TXNDC5: variants seen among roughly 807,000 people sequenced by gnomAD.
The protein encoded by TXNDC5 is thioredoxin domain containing 5.
Under a neutral mutation model 52.6 loss-of-function variants are expected in TXNDC5, and 44 were observed. That is an observed-to-expected ratio of 0.84 (90% CI 0.66 to 1.08). TXNDC5 has a LOEUF of 1.08. Ranked by LOEUF, TXNDC5 falls within the 50% of genes least tolerant of loss-of-function variation. TXNDC5 has a pLI of 0.00. For missense variants in TXNDC5, 600 were observed against 565.5 expected (o/e 1.06, Z -0.62); for synonymous variants, 241 against 234.4 (o/e 1.03, Z -0.26).
chr6:7,905,329 G>A (rs1412454292), intron 1 of TXNDC5, among the ~76,000 whole-genome samples: 2 of 152,064 alleles, frequency 1.3e-5, no homozygotes, highest in African/African-American at 4.8e-5. Context: ...TATTCGTCAA[G>A]TCTCCTCCAC....
At chr6:7,888,053 A>T (rs1265611274) in intron 7 of TXNDC5, among the ~76,000 whole-genome samples, 2 of 152,034 alleles carry the variant, frequency 1.3e-5, no homozygotes, top group African/African-American at 2.4e-5. Context: ...TGCCTCAGAG[A>T]CCTGTATGCT....
At position 7,891,714 on chromosome 6, in the gene TXNDC5, G is replaced by A. The variant is rs9502658; in HGVS notation, c.639C>T (p.Phe213=). 2.3e-3 allele frequency: 3,654 copies of A among 1,613,654 alleles called. 71 individuals carry two copies. The African/African-American group carries it at 0.044, about 19-fold the overall frequency. The change falls in exon 5 of 10, where the codon TTC becomes TTT. Residue 213 remains phenylalanine (F), a synonymous_variant. Coordinates refer to ENST00000379757, the MANE Select transcript of TXNDC5 (RefSeq NM_030810.5). ...CTTTGCAGTGACCACACCACGGAGCGAAGAACTTGATAAAGTGGTCGCCTG... is the reference window on the plus strand; with the variant it reads ...CTTTGCAGTGACCACACCACGGAGCAAAGAACTTGATAAAGTGGTCGCCTG... The part of the protein sequence containing the change: ...VAQGDHFIKF[F]APWCGHCKAL...
intron 2 of TXNDC5, among the ~76,000 whole-genome samples, chr6:7,900,724 G>C (rs1446505109): frequency 6.6e-6 from 1 of 152,164 alleles, no homozygotes; most frequent in Non-Finnish European, 1.5e-5. Flanking sequence ...TGCCAGCAGA[G>C]TCAGTGTCTG....
At chr6:7,906,338 C>T (rs1371756715) in intron 1 of TXNDC5, among the ~76,000 whole-genome samples, 1 of 151,984 alleles carries the variant, frequency 6.6e-6, no homozygotes, top group African/African-American at 2.4e-5. Flanking sequence ...GAGTTCGAGA[C>T]CAGCCTGACC....
chr6:7,896,684 G>T (rs543753832), intron 3 of TXNDC5, among the ~76,000 whole-genome samples: 1 of 152,288 alleles, frequency 6.6e-6, no homozygotes, highest in South Asian at 2.1e-4. Context: ...CAGTCAATGG[G>T]TGCACATAAG....
intron 3 of TXNDC5, 30 bp from the exon 4 acceptor site, chr6:7,895,232 T>G (rs753182009): frequency 1.6e-5 from 25 of 1,589,930 alleles, no homozygotes. Flanking sequence ...CAGTCATGGG[T>G]GTGTCAGTGG....
intron 7 of TXNDC5, among the ~76,000 whole-genome samples, chr6:7,887,105 T>C (rs1760008999): frequency 7.4e-6 from 1 of 135,482 alleles, no homozygotes; most frequent in Admixed American, 7.1e-5. Context: ...AACCAAAACG[T>C]CAACTTTTAA....
At chr6:7,908,953 C>T (rs532688239) in intron 1 of TXNDC5, among the ~76,000 whole-genome samples, 1 of 152,080 alleles carries the variant, frequency 6.6e-6, no homozygotes, top group East Asian at 1.9e-4. Context: ...AGAATACTCC[C>T]GAACAAAGAG....
At chr6:7,897,460 G>C (rs1322464831) in intron 3 of TXNDC5, among the ~76,000 whole-genome samples, 2 of 152,184 alleles carry the variant, frequency 1.3e-5, no homozygotes, top group Non-Finnish European at 2.9e-5. Context: ...GCAGTATAAA[G>C]TGTATATACT....
chr6:7,897,030 G>A (rs558850558), intron 3 of TXNDC5, among the ~76,000 whole-genome samples: 46 of 152,226 alleles, frequency 3.0e-4, no homozygotes, highest in Non-Finnish European at 5.7e-4. Flanking sequence ...GGGGTGGAAA[G>A]TCCTTTACAA....
chr6:7,901,998 G>A (rs1760581850), intron 2 of TXNDC5, among the ~76,000 whole-genome samples: 1 of 152,120 alleles, frequency 6.6e-6, no homozygotes, highest in Non-Finnish European at 1.5e-5. Flanking sequence ...CATGACTGGT[G>A]TCCTTGTAAG....
chr6:7,910,608 C>T lies in TXNDC5; in HGVS notation c.169G>A (p.Gly57Arg), dbSNP rs887110853. 5.2e-6 allele frequency: 7 copies of T among 1,350,508 alleles called. No homozygotes were observed. Among genetic ancestry groups the T allele is most frequent in the South Asian group, 1.5e-5 (1 of 66,752 alleles). The allele number at this position is 1,350,508 out of a possible 1,614,324, so 83.7% of individuals were successfully genotyped here. ...DGPPAADGEDGQDPHSKHLYT... is the reference protein window; with the variant it reads ...DGPPAADGEDRQDPHSKHLYT... ...AGGTGCTTGCTGTGCGGGTCCTGTC[C>T]GTCCTCGCCGTCTGCCGCGGGGGGC... The change falls in exon 1 of 10, where the codon GGA (glycine) becomes AGA (arginine). Residue 57 changes from glycine (G) to arginine (R), a missense_variant. Gly to Arg is a moderately radical substitution (Grantham distance 125, BLOSUM62 -2). Coordinates refer to ENST00000379757, the MANE Select transcript of TXNDC5 (RefSeq NM_030810.5).
intron 1 of TXNDC5, chr6:7,909,841 C>A: frequency 1.0e-6 from 1 of 986,042 alleles, no homozygotes; most frequent in Non-Finnish European, 1.2e-6. Flanking sequence ...TCAGTTAAAG[C>A]CTCTGGAAGG....
At chr6:7,886,337 CTT>C (rs1466784530) in intron 7 of TXNDC5, among the ~76,000 whole-genome samples, 1 of 152,050 alleles carries the variant, frequency 6.6e-6, no homozygotes, top group Non-Finnish European at 1.5e-5. Context: ...GGGGGACTGT[CTT>C]TTGGGGATGA....
At chr6:7,885,274 G>C (rs1206441641) in intron 8 of TXNDC5, among the ~76,000 whole-genome samples, 1 of 152,176 alleles carries the variant, frequency 6.6e-6, no homozygotes, top group Non-Finnish European at 1.5e-5. Context: ...CTAACACTCT[G>C]CTTTTCCAAA....
At chr6:7,907,655 G>A (rs1760780547) in intron 1 of TXNDC5, among the ~76,000 whole-genome samples, 1 of 152,178 alleles carries the variant, frequency 6.6e-6, no homozygotes, top group South Asian at 2.1e-4. Context: ...TTGAGGGGGA[G>A]TCCACTGAGT....
chr6:7,891,684 C>G lies in TXNDC5; in HGVS notation c.669G>C (p.Leu223=), dbSNP rs980313568. ...FAPWCGHCKA[L]APTWEQLALG... ...GAGCCAGCTGCTCCCAGGTTGGAGC[C>G]AGGGCTTTGCAGTGACCACACCACG... is the stretch of plus-strand genomic sequence containing the variant. Residue 223 remains leucine, a synonymous_variant, in exon 5 of 10, where the codon CTG becomes CTC. Transcript: ENST00000379757. 6.2e-7 allele frequency: 1 copy of G among 1,613,818 alleles called. No individual in the cohort carries two copies. The highest frequency in any genetic ancestry group is 8.5e-7 in the Non-Finnish European group (1 of 1,179,916).
At chr6:7,883,801 GTGTC>G (rs984985128) in intron 9 of TXNDC5, among the ~76,000 whole-genome samples, 28 of 152,240 alleles carry the variant, frequency 1.8e-4, no homozygotes, top group African/African-American at 5.8e-4. Flanking sequence ...GGCTCCAAAA[GTGTC>G]TGAATAACAA....
At chr6:7,884,277 G>C (rs867759373) in intron 9 of TXNDC5, 82 bp downstream of exon 9, 2 of 1,562,200 alleles carry the variant, frequency 1.3e-6, no homozygotes, top group Admixed American at 3.4e-5. Context: ...AGAGCAGAGT[G>C]AGTTATCGTG....
Sources: allele counts gnomAD v4.1 joint callset (sites outside exome capture counted in the v4.1 genomes callset), GRCh38; gene constraint gnomAD v4.1.1; transcripts MANE v1.5; gene names NCBI Gene and HGNC (gene_info 2026-07-23, HGNC 2026-07-21).